Variants in UBE2E2 observed in about 807,000 individuals in gnomAD.
The protein encoded by UBE2E2 is ubiquitin conjugating enzyme E2 E2.
A neutral mutation model predicts 24.7 loss-of-function variants in UBE2E2; 6 were observed. The observed-to-expected ratio is 0.24, with a 90% CI of 0.13 to 0.48. UBE2E2 has a LOEUF of 0.48. UBE2E2 is among the 20% of genes least tolerant of loss of function. The pLI is 0.99. For missense variants in UBE2E2, 169 were observed against 245.0 expected (o/e 0.69, Z 2.07); for synonymous variants, 104 against 83.6 (o/e 1.24, Z -1.33).
intron 3 of UBE2E2, among the ~76,000 whole-genome samples, chr3:23,442,060 C>G (rs1179568675): frequency 6.6e-6 from 1 of 152,006 alleles, no homozygotes; most frequent in Non-Finnish European, 1.5e-5. Flanking sequence ...TAACTTTGGA[C>G]TTATGTGGCC....
chr3:23,517,991 A>G (rs1694781773), intron 4 of UBE2E2, among the ~76,000 whole-genome samples: 2 of 152,138 alleles, frequency 1.3e-5, no homozygotes, highest in African/African-American at 2.4e-5. Context: ...TTTTCACACA[A>G]TTCTGAGTCA....
intron 3 of UBE2E2, among the ~76,000 whole-genome samples, chr3:23,248,851 G>C (rs1356830862): frequency 6.6e-6 from 1 of 152,214 alleles, no homozygotes; most frequent in Non-Finnish European, 1.5e-5. Flanking sequence ...AACAGTGAGT[G>C]ATCTGTTGCA....
At chr3:23,436,185 G>A (rs1374666907) in intron 3 of UBE2E2, among the ~76,000 whole-genome samples, 2 of 103,426 alleles carry the variant, frequency 1.9e-5, no homozygotes, top group African/African-American at 3.8e-5. Flanking sequence ...CCCTGGGTTA[G>A]ATCATTCAAG....
intron 5 of UBE2E2, among the ~76,000 whole-genome samples, chr3:23,568,677 A>G (rs1696143142): frequency 3.1e-5 from 4 of 127,042 alleles, no homozygotes; most frequent in Admixed American, 3.1e-4. Flanking sequence ...ACGCACATAT[A>G]TGTATACATA....
At chr3:23,505,713 T>C (rs1046974312) in intron 4 of UBE2E2, among the ~76,000 whole-genome samples, 2 of 152,210 alleles carry the variant, frequency 1.3e-5, no homozygotes, top group Admixed American at 6.5e-5. Context: ...TCAGAGCATA[T>C]CAGTTTATGG....
chr3:23,536,204 A>C (rs1056457943), intron 5 of UBE2E2, among the ~76,000 whole-genome samples: 2 of 152,178 alleles, frequency 1.3e-5, no homozygotes, highest in Admixed American at 1.3e-4. Context: ...TTCTTTAACA[A>C]TTATTTAAAA....
chr3:23,446,436 A>G (rs1698431486), intron 3 of UBE2E2, among the ~76,000 whole-genome samples: 1 of 152,344 alleles, frequency 6.6e-6, no homozygotes, highest in Non-Finnish European at 1.5e-5. Flanking sequence ...GCTATCATGA[A>G]TATAATGGAA....
intron 3 of UBE2E2, among the ~76,000 whole-genome samples, chr3:23,232,707 A>G (rs1240671592): frequency 1.3e-5 from 2 of 152,264 alleles, no homozygotes; most frequent in African/African-American, 2.4e-5. Flanking sequence ...ATTTTAAATG[A>G]TAGAATACAC....
intron 3 of UBE2E2, among the ~76,000 whole-genome samples, chr3:23,242,802 T>C (rs1697291117): frequency 1.3e-5 from 2 of 152,130 alleles, no homozygotes; most frequent in Non-Finnish European, 2.9e-5. Context: ...AAAATAGTTA[T>C]CGGCCAGGCG....
chr3:23,555,746 G>A (rs902338890), intron 5 of UBE2E2, among the ~76,000 whole-genome samples: 1 of 152,156 alleles, frequency 6.6e-6, no homozygotes, highest in African/African-American at 2.4e-5. Flanking sequence ...AACATGGAAG[G>A]ACATTATGCT....
At chr3:23,369,065 T>C (rs1254368740) in intron 3 of UBE2E2, among the ~76,000 whole-genome samples, 1 of 152,238 alleles carries the variant, frequency 6.6e-6, no homozygotes, top group Non-Finnish European at 1.5e-5. Flanking sequence ...TTGCAGATAC[T>C]AGTCTTGATT....
intron 3 of UBE2E2, among the ~76,000 whole-genome samples, chr3:23,383,263 T>A (rs1484178673): frequency 6.6e-6 from 1 of 152,118 alleles, no homozygotes; most frequent in African/African-American, 2.4e-5. Flanking sequence ...GCTGTGGACA[T>A]ACTGGATTTA....
At chr3:23,493,965 A>G (rs1325363224) in intron 3 of UBE2E2, among the ~76,000 whole-genome samples, 2 of 152,194 alleles carry the variant, frequency 1.3e-5, no homozygotes, top group Non-Finnish European at 2.9e-5. Context: ...AATTTACAAG[A>G]TTTGTGCTAT....
At chr3:23,518,773 G>T (rs1194782684) in intron 4 of UBE2E2, among the ~76,000 whole-genome samples, 3 of 152,044 alleles carry the variant, frequency 2.0e-5, no homozygotes, top group African/African-American at 4.8e-5. Flanking sequence ...GGATTGTGTT[G>T]CCCATGTTTT....
intron 4 of UBE2E2, among the ~76,000 whole-genome samples, chr3:23,525,456 A>G (rs1409832505): frequency 3.3e-5 from 5 of 152,170 alleles, no homozygotes; most frequent in Admixed American, 2.6e-4. Flanking sequence ...AATGTTTTCT[A>G]TATCGCTATA....
At chr3:23,379,135 T>C (rs1206052935) in intron 3 of UBE2E2, among the ~76,000 whole-genome samples, 1 of 152,200 alleles carries the variant, frequency 6.6e-6, no homozygotes, top group Non-Finnish European at 1.5e-5. Flanking sequence ...ATCAAAGTAC[T>C]GAAAAATTTA....
At chr3:23,223,174 C>G (rs1312081805) in intron 3 of UBE2E2, among the ~76,000 whole-genome samples, 1 of 150,754 alleles carries the variant, frequency 6.6e-6, no homozygotes, top group East Asian at 1.9e-4. Context: ...TACATGCCAC[C>G]ATGCTCAGCT....
At chr3:23,274,107 A>G (rs772395634) in intron 3 of UBE2E2, among the ~76,000 whole-genome samples, 3 of 152,172 alleles carry the variant, frequency 2.0e-5, no homozygotes, top group Non-Finnish European at 4.4e-5. Context: ...CACAGTAGCT[A>G]TGAATTACTG....
chr3:23,386,235 T>A (rs1391132480), intron 3 of UBE2E2, among the ~76,000 whole-genome samples: 1 of 151,938 alleles, frequency 6.6e-6, no homozygotes, highest in Non-Finnish European at 1.5e-5. Flanking sequence ...ATTGAGGCAC[T>A]GGCAGATTTG....
Sources: allele counts gnomAD v4.1 joint callset (sites outside exome capture counted in the v4.1 genomes callset), GRCh38; gene constraint gnomAD v4.1.1; transcripts MANE v1.5; gene names NCBI Gene and HGNC (gene_info 2026-07-23, HGNC 2026-07-21).